CNTNAP5: variants seen among roughly 807,000 people sequenced by gnomAD.
CNTNAP5 encodes contactin-associated protein-like 5.
In CNTNAP5, 72 loss-of-function variants were observed where a neutral mutation model predicts 150.2. The ratio of observed to expected loss-of-function variants is 0.48; its 90% CI spans 0.40 to 0.58. The LOEUF is 0.58. CNTNAP5 is among the 20% of genes least tolerant of loss of function. The pLI is 0.00. For missense variants in CNTNAP5, 1,636 were observed against 1,626.2 expected (o/e 1.01, Z -0.10); for synonymous variants, 672 against 619.8 (o/e 1.08, Z -1.25).
At chr2:124,856,756 C>T (rs531074700) in intron 19 of CNTNAP5, among the ~76,000 whole-genome samples, 1 of 152,262 alleles carries the variant, frequency 6.6e-6, no homozygotes, top group South Asian at 2.1e-4. Context: ...GAAATAGATC[C>T]AACATATCCT....
intron 6 of CNTNAP5, among the ~76,000 whole-genome samples, chr2:124,448,145 G>A (rs1692870160): frequency 1.3e-5 from 2 of 152,048 alleles, no homozygotes; most frequent in South Asian, 2.1e-4. Flanking sequence ...GCTCGCGCCT[G>A]TAGTTCCTGA....
intron 16 of CNTNAP5, among the ~76,000 whole-genome samples, chr2:124,769,374 G>C (rs1681140895): frequency 6.6e-6 from 1 of 151,866 alleles, no homozygotes; most frequent in African/African-American, 2.4e-5. Context: ...CCTAGCACAG[G>C]GTCTGGCTTG....
intron 19 of CNTNAP5, among the ~76,000 whole-genome samples, chr2:124,826,319 T>C (rs920459292): frequency 1.3e-5 from 2 of 152,140 alleles, no homozygotes; most frequent in African/African-American, 4.8e-5. Context: ...CCTTTCTTAG[T>C]GTCAGATTGG....
chr2:124,847,598 A>G (rs1683076091), intron 19 of CNTNAP5, among the ~76,000 whole-genome samples: 1 of 152,160 alleles, frequency 6.6e-6, no homozygotes, highest in African/African-American at 2.4e-5. Flanking sequence ...GGGACCCTGC[A>G]GTGGTGATCC....
At chr2:124,876,369 G>A (rs1677861319) in intron 21 of CNTNAP5, among the ~76,000 whole-genome samples, 1 of 151,546 alleles carries the variant, frequency 6.6e-6, no homozygotes, top group Admixed American at 6.6e-5. Context: ...TCAGAAGCAA[G>A]TTGAGCTGTT....
chr2:124,092,754 A>G (rs1682843531), intron 1 of CNTNAP5, among the ~76,000 whole-genome samples: 1 of 152,216 alleles, frequency 6.6e-6, no homozygotes, highest in Admixed American at 6.5e-5. Context: ...TCACCTCTGT[A>G]TCTATGCTTG....
intron 13 of CNTNAP5, among the ~76,000 whole-genome samples, 200 bp downstream of exon 13, chr2:124,648,158 C>T (rs1331027396): frequency 1.3e-5 from 2 of 152,192 alleles, no homozygotes; most frequent in Admixed American, 6.5e-5. Context: ...TGAGTTCTGT[C>T]ACCTTTCAAA....
chr2:124,846,663 CTTAA>C (rs1428824420), intron 19 of CNTNAP5, among the ~76,000 whole-genome samples: 1 of 152,046 alleles, frequency 6.6e-6, no homozygotes, highest in Non-Finnish European at 1.5e-5. Context: ...ATCATAATGC[CTTAA>C]TTGTTTTACT....
At chr2:124,087,681 C>CA (rs1340329010) in intron 1 of CNTNAP5, among the ~76,000 whole-genome samples, 1 of 151,770 alleles carries the variant, frequency 6.6e-6, no homozygotes, top group African/African-American at 2.4e-5. Flanking sequence ...GAGATGGTGC[C>CA]ACTGTACTCC....
intron 6 of CNTNAP5, among the ~76,000 whole-genome samples, chr2:124,459,854 T>C (rs764707230): frequency 6.6e-6 from 1 of 151,788 alleles, no homozygotes; most frequent in African/African-American, 2.4e-5. Flanking sequence ...TTAGATGTCA[T>C]CCTTCTTGGT....
intron 6 of CNTNAP5, among the ~76,000 whole-genome samples, chr2:124,466,319 G>C (rs1039771399): frequency 6.6e-6 from 1 of 151,998 alleles, no homozygotes; most frequent in Admixed American, 6.6e-5. Context: ...GGCACCAACT[G>C]ATCTTGCTTT....
At chr2:124,061,459 G>A (rs1216749403) in intron 1 of CNTNAP5, among the ~76,000 whole-genome samples, 1 of 152,130 alleles carries the variant, frequency 6.6e-6, no homozygotes, top group Non-Finnish European at 1.5e-5. Flanking sequence ...AAAATGTGAA[G>A]GACATGGACT....
At chr2:124,356,115 G>A (rs59503656) in intron 3 of CNTNAP5, among the ~76,000 whole-genome samples, 13 of 151,870 alleles carry the variant, frequency 8.6e-5, no homozygotes, top group African/African-American at 2.9e-4. Flanking sequence ...AATAAAGATT[G>A]TCCCATGATT....
At chr2:124,186,816 T>A (rs1685343826) in intron 1 of CNTNAP5, among the ~76,000 whole-genome samples, 1 of 152,244 alleles carries the variant, frequency 6.6e-6, no homozygotes, top group Non-Finnish European at 1.5e-5. Context: ...TCATTTCACT[T>A]CTTTGCCTTC....
chr2:124,597,454 A>T (rs1696854552), intron 11 of CNTNAP5, among the ~76,000 whole-genome samples: 1 of 148,800 alleles, frequency 6.7e-6, no homozygotes, highest in Admixed American at 6.7e-5. Context: ...TTTCTTTAAG[A>T]ATGTTGAATA....
At chr2:124,441,909 C>A (rs1692684033) in intron 5 of CNTNAP5, among the ~76,000 whole-genome samples, 1 of 150,410 alleles carries the variant, frequency 6.6e-6, no homozygotes, top group South Asian at 2.1e-4. Context: ...AAACAAGGAG[C>A]AATGCTAATC....
At chr2:124,178,004 G>C (rs1332195253) in intron 1 of CNTNAP5, among the ~76,000 whole-genome samples, 1 of 151,798 alleles carries the variant, frequency 6.6e-6, no homozygotes, top group African/African-American at 2.4e-5. Flanking sequence ...CCACAACCAC[G>C]CCTAGCTAAT....
chr2:124,540,189 C>T (rs1695345052), intron 10 of CNTNAP5, among the ~76,000 whole-genome samples: 1 of 152,154 alleles, frequency 6.6e-6, no homozygotes, highest in Admixed American at 6.6e-5. Flanking sequence ...CTGCTTTTAC[C>T]TATGCTGAAA....
At chr2:124,806,573 T>C (rs918833849) in intron 19 of CNTNAP5, among the ~76,000 whole-genome samples, 6 of 152,212 alleles carry the variant, frequency 3.9e-5, no homozygotes, top group African/African-American at 1.4e-4. Flanking sequence ...TTTAAACGAC[T>C]CTTCAGAAAT....
Sources: allele counts gnomAD v4.1 joint callset (sites outside exome capture counted in the v4.1 genomes callset), GRCh38; gene constraint gnomAD v4.1.1; transcripts MANE v1.5; gene names NCBI Gene and HGNC (gene_info 2026-07-23, HGNC 2026-07-21).